The following TMEM131 variants were observed in gnomAD, a reference collection of about 807,000 sequenced individuals.
The protein encoded by TMEM131 is 2610524E03Rik.
In TMEM131, 66 loss-of-function variants were observed where a neutral mutation model predicts 211.6. The ratio of observed to expected loss-of-function variants is 0.31; its 90% CI spans 0.26 to 0.38. The LOEUF is 0.38. TMEM131 is among the 10% of genes least tolerant of loss of function. The pLI is 1.00. For synonymous variants in TMEM131, 844 were observed against 841.3 expected, an observed-to-expected ratio of 1.00 and a Z score of -0.06; for missense variants, 2,036 against 2,299.3, an observed-to-expected ratio of 0.89 and a Z score of 2.34.
intron 2 of TMEM131, among the ~76,000 whole-genome samples, chr2:97,925,028 TGCCAA>T (rs1676921978): frequency 6.6e-6 from 1 of 152,044 alleles, no homozygotes; most frequent in South Asian, 2.1e-4. Flanking sequence ...CACAGGTGTG[TGCCAA>T]CACACCTGGC....
chr2:97,974,470 T>C (rs1290846813), intron 1 of TMEM131, among the ~76,000 whole-genome samples: 2 of 151,564 alleles, frequency 1.3e-5, no homozygotes, highest in African/African-American at 4.9e-5. Flanking sequence ...CCAAACTTAA[T>C]GAAAACTATA....
chr2:97,816,435 T>C (rs1377060596), intron 12 of TMEM131, among the ~76,000 whole-genome samples: 2 of 152,244 alleles, frequency 1.3e-5, no homozygotes, highest in Non-Finnish European at 2.9e-5. Flanking sequence ...ATGGTTCTTT[T>C]CAAAGCAAAT....
At chr2:97,788,142 C>T (rs1271252145) in intron 31 of TMEM131, among the ~76,000 whole-genome samples, 1 of 152,196 alleles carries the variant, frequency 6.6e-6, no homozygotes. Context: ...AACTCCAGCA[C>T]TGTCCTACTC....
Position 97,766,277 on chromosome 2 carries a change from A to G in TMEM131, c.4574-14T>C, listed in dbSNP as rs376609729. 8.1e-6 allele frequency: 13 copies of G among 1,613,894 alleles called. No homozygotes were observed. The African/African-American group carries it at 1.7e-4, about 22-fold the overall frequency. On this transcript the variant is annotated splice_polypyrimidine_tract_variant and intron_variant, in intron 34 of 40. Transcript: ENST00000186436. ...ACTTACTTGTACCTGCACAAAAATC[A>G]GAAAAGAACATGGTTAATGGAGAAT...
In TMEM131 at chr2:97,815,242, A is replaced by G. The variant is rs2104979605; in HGVS notation, c.1249T>C (p.Tyr417His). The G allele has an allele frequency of 1.9e-6, 3 of 1,573,190 alleles. No individual in the cohort carries two copies. In the South Asian group the frequency reaches 3.7e-5, roughly 19 times the overall value. Residue 417 changes from tyrosine to histidine, a missense_variant, in exon 13 of 41, where the codon TAT becomes CAT. Tyr to His is a moderately conservative substitution (Grantham distance 83). This residue lies in a region of TMEM131 where 1,623 missense variants were observed against 1,805.9 expected (regional missense o/e 0.90). Coordinates refer to ENST00000186436, the MANE Select transcript of TMEM131 (RefSeq NM_015348.2). Reference protein sequence around the residue: ...KITVKAKEKSYSKLEIPYQAE... With the variant: ...KITVKAKEKSHSKLEIPYQAE... ...TGATATGGTATTTCAAGTTTAGAAT[A>G]ACTCTTTTCCTTTGCTTTAACTGTT...
rs113592231 is a variant in TMEM131, at chr2:97,995,467, G to T, written c.187+9C>A. The stretch of plus-strand genomic sequence containing the variant: ...CCCCGCCGCAGGGACGCCGCCGGGG[G>T]ACACCCACCTTCCTTCTCGGCCCGC... On this transcript the variant is annotated intron_variant, in intron 1 of 40. Transcript: ENST00000186436. 6,554 of 1,392,176 alleles carry T rather than the reference G, an allele frequency of 4.7e-3. 291 individuals carry two copies. The African/African-American group carries it at 0.09, about 19-fold the overall frequency. 86.2% of individuals were successfully genotyped at this position (1,392,176 alleles called of 1,614,324 possible). A position where few individuals can be genotyped will look rare whatever the true frequency, so the allele number is the denominator to read the frequency against.
intron 4 of TMEM131, among the ~76,000 whole-genome samples, chr2:97,873,841 G>C (rs1010457645): frequency 1.3e-5 from 2 of 152,212 alleles, no homozygotes; most frequent in African/African-American, 2.4e-5. Context: ...CTCCTCGCCA[G>C]CAAGGGAACA....
At chr2:97,939,822 C>T (rs528281693) in intron 1 of TMEM131, among the ~76,000 whole-genome samples, 2 of 152,274 alleles carry the variant, frequency 1.3e-5, no homozygotes, top group African/African-American at 2.4e-5. Flanking sequence ...AGCTTATCCA[C>T]GAAGATCAAG....
chr2:97,850,382 A>G (rs1279791630), intron 5 of TMEM131, among the ~76,000 whole-genome samples: 5 of 152,110 alleles, frequency 3.3e-5, no homozygotes, highest in African/African-American at 9.7e-5. Flanking sequence ...TTTGCGCTAT[A>G]TATCAGTACT....
chr2:97,909,226 G>A (rs1676198060), intron 2 of TMEM131, among the ~76,000 whole-genome samples: 1 of 152,146 alleles, frequency 6.6e-6, no homozygotes. Flanking sequence ...ATAAAAACCT[G>A]AAGGATTAAA....
At chr2:97,853,682 A>G (rs1441001840) in intron 5 of TMEM131, among the ~76,000 whole-genome samples, 1 of 152,182 alleles carries the variant, frequency 6.6e-6, no homozygotes, top group East Asian at 1.9e-4. Flanking sequence ...GGCTGGAAGA[A>G]GTTAATCCCA....
At chr2:97,858,386 G>A (rs888384013) in intron 5 of TMEM131, among the ~76,000 whole-genome samples, 1 of 152,160 alleles carries the variant, frequency 6.6e-6, no homozygotes, top group African/African-American at 2.4e-5. Flanking sequence ...TATTTGGTCA[G>A]AGAAAGTTTT....
chr2:97,959,726 T>C (rs943372949), intron 1 of TMEM131, among the ~76,000 whole-genome samples: 5 of 152,134 alleles, frequency 3.3e-5, no homozygotes, highest in African/African-American at 1.2e-4. Flanking sequence ...AATACTGACA[T>C]ATAACATTTA....
intron 4 of TMEM131, among the ~76,000 whole-genome samples, chr2:97,866,833 A>G (rs1438255670): frequency 6.6e-6 from 1 of 152,242 alleles, no homozygotes; most frequent in African/African-American, 2.4e-5. Flanking sequence ...CATACTTTGT[A>G]CAGGACGAGT....
chr2:97,768,701 C>T (rs961481706), intron 33 of TMEM131, among the ~76,000 whole-genome samples: 3 of 152,186 alleles, frequency 2.0e-5, no homozygotes, highest in African/African-American at 7.2e-5. Context: ...AGCAATTCTC[C>T]TGCCTCAGCC....
chr2:97,964,656 G>A (rs752150723), intron 1 of TMEM131, among the ~76,000 whole-genome samples: 24 of 152,058 alleles, frequency 1.6e-4, no homozygotes, highest in Admixed American at 3.3e-4. Context: ...AAAACACATC[G>A]AAACAGAAAT....
intron 5 of TMEM131, among the ~76,000 whole-genome samples, chr2:97,850,619 C>T (rs1271085491): frequency 6.6e-6 from 1 of 151,996 alleles, no homozygotes; most frequent in Admixed American, 6.6e-5. Flanking sequence ...CGAACCTGCA[C>T]ATCCTGCACA....
chr2:97,830,132 T>TTAA (rs762339222), intron 11 of TMEM131, among the ~76,000 whole-genome samples: 1 of 72,320 alleles, frequency 1.4e-5, no homozygotes, highest in African/African-American at 5.7e-5. Context: ...CATTATCAGT[T>TTAA]AAAAAAAAAA....
chr2:97,859,520 T>C lies in TMEM131; in HGVS notation c.360-93A>G, dbSNP rs878879680. ...AAATTAATCAAAATTGTTAGACAAA[T>C]ACATAGCTAAATATATTAAAATGCT... On this transcript the variant is annotated intron_variant, in intron 4 of 40. Transcript: ENST00000186436. 17 of 1,044,162 alleles carry C rather than the reference T, an allele frequency of 1.6e-5. No homozygotes were observed. In the South Asian group the frequency reaches 3.2e-4, roughly 20 times the overall value. The allele number at this position is 1,044,162 out of a possible 1,614,324, so 64.7% of individuals were successfully genotyped here.
Sources: gnomAD v4.1 joint callset for allele counts (sites outside exome capture counted in the v4.1 genomes callset) on GRCh38, gnomAD v4.1.1 for gene constraint, gnomAD v4.1.1 regional missense constraint, MANE v1.5 for transcripts, NCBI Gene and HGNC (gene_info 2026-07-23, HGNC 2026-07-21) for gene names.